The following SCFD2 variants were observed in gnomAD, a reference collection of about 807,000 sequenced individuals.
SCFD2 encodes the protein sec1 family domain containing 2.
SCFD2 carries 54 observed loss-of-function variants against 58.9 expected under a neutral mutation model. The ratio of observed to expected loss-of-function variants is 0.92; its 90% CI spans 0.74 to 1.15. The LOEUF (loss-of-function observed/expected upper bound fraction) is 1.15. Ranked by LOEUF, SCFD2 falls within the 50% of genes most tolerant of loss-of-function variation. The probability of loss-of-function intolerance (pLI) is 0.00; values close to 1 mark genes in which losing one functional copy is unlikely to be tolerated. For synonymous variants in SCFD2, 321 were observed against 335.9 expected (o/e 0.96, Z 0.49); for missense variants, 805 against 836.6 (o/e 0.96, Z 0.47).
intron 6 of SCFD2, among the ~76,000 whole-genome samples, chr4:52,919,378 A>T (rs1420229367): frequency 6.6e-6 from 1 of 152,206 alleles, no homozygotes; most frequent in Non-Finnish European, 1.5e-5. Flanking sequence ...CTGATTTTTT[A>T]AAATGACAAA....
At chr4:53,261,584 A>G (rs1730830328) in intron 4 of SCFD2, among the ~76,000 whole-genome samples, 1 of 152,072 alleles carries the variant, frequency 6.6e-6, no homozygotes, top group Non-Finnish European at 1.5e-5. Context: ...GGTCTGAGAG[A>G]GTATCTACTA....
intron 4 of SCFD2, among the ~76,000 whole-genome samples, chr4:53,268,703 G>A (rs1731068576): frequency 6.6e-6 from 1 of 152,138 alleles, no homozygotes; most frequent in Non-Finnish European, 1.5e-5. Flanking sequence ...GGGCAGCACA[G>A]GGTGAGATGT....
intron 4 of SCFD2, among the ~76,000 whole-genome samples, chr4:53,236,812 A>ATTTT (rs201223744): frequency 0.18 from 5,259 of 28,996 alleles, 121 homozygotes; most frequent in Non-Finnish European, 0.21. Flanking sequence ...TCACTGTTTT[A>ATTTT]TTTATTTATT....
At chr4:53,072,444 C>T (rs1001077957) in intron 5 of SCFD2, among the ~76,000 whole-genome samples, 5 of 152,156 alleles carry the variant, frequency 3.3e-5, no homozygotes, top group Non-Finnish European at 5.9e-5. Flanking sequence ...CCAACAGAAA[C>T]GGGCTACCTG....
intron 5 of SCFD2, among the ~76,000 whole-genome samples, chr4:52,996,077 C>G (rs1055337150): frequency 6.6e-6 from 1 of 152,208 alleles, no homozygotes; most frequent in African/African-American, 2.4e-5. Flanking sequence ...CTTCCTCAAT[C>G]TCTAGTTCAA....
chr4:53,344,182 T>C (rs962312986), intron 2 of SCFD2, among the ~76,000 whole-genome samples: 14 of 151,804 alleles, frequency 9.2e-5, no homozygotes, highest in African/African-American at 3.4e-4. Context: ...GATGACATGA[T>C]TGTATATTTA....
intron 3 of SCFD2, among the ~76,000 whole-genome samples, chr4:53,283,462 T>C (rs1019212929): frequency 6.6e-6 from 1 of 152,244 alleles, no homozygotes; most frequent in Non-Finnish European, 1.5e-5. Flanking sequence ...TTGCTTCTAT[T>C]GGATATATAC....
chr4:53,323,418 G>A (rs1733083071), intron 2 of SCFD2, among the ~76,000 whole-genome samples: 1 of 151,898 alleles, frequency 6.6e-6, no homozygotes, highest in Non-Finnish European at 1.5e-5. Context: ...GTGTAGCCCA[G>A]GTTGGAGTAT....
intron 5 of SCFD2, among the ~76,000 whole-genome samples, chr4:53,013,409 T>G (rs1468827939): frequency 6.6e-6 from 1 of 152,246 alleles, no homozygotes; most frequent in Admixed American, 6.5e-5. Flanking sequence ...CTTGTACCCT[T>G]GCAGACAATT....
At chr4:53,000,737 C>G (rs890093616) in intron 5 of SCFD2, among the ~76,000 whole-genome samples, 1 of 152,180 alleles carries the variant, frequency 6.6e-6, no homozygotes, top group Admixed American at 6.5e-5. Flanking sequence ...AAGCAAGAGT[C>G]CCTCATGGGA....
rs1726743309 is a variant in SCFD2, at chr4:53,158,080, T to C, written c.1312-12498A>G. Among the ~76,000 whole-genome samples the C allele has an allele frequency of 2.6e-5, 4 of 152,174 alleles. No homozygotes were observed. In the East Asian group the frequency reaches 7.7e-4, roughly 29 times the overall value. ...CGAGTCCCCTGGTAAGGTACATGAATGGCCTCAGAACCTTAGCCCAGGTTA... is the reference window on the plus strand; with the variant it reads ...CGAGTCCCCTGGTAAGGTACATGAACGGCCTCAGAACCTTAGCCCAGGTTA... On this transcript the variant is annotated intron_variant, in intron 4 of 8. Transcript: ENST00000401642.
chr4:53,277,907 G>A (rs988571573), intron 3 of SCFD2, among the ~76,000 whole-genome samples: 28 of 152,172 alleles, frequency 1.8e-4, no homozygotes, highest in African/African-American at 6.7e-4. Flanking sequence ...AAAAAAATTA[G>A]TTGGGCTTGG....
intron 7 of SCFD2, among the ~76,000 whole-genome samples, chr4:52,906,878 T>A (rs1357514570): frequency 3.3e-5 from 5 of 152,212 alleles, no homozygotes; most frequent in African/African-American, 9.7e-5. Flanking sequence ...TACAGTAGGT[T>A]AAAAATAGAT....
At chr4:53,006,765 AAAACTCATTTTCATGC>A (rs1560507811) in intron 5 of SCFD2, among the ~76,000 whole-genome samples, 1 of 152,188 alleles carries the variant, frequency 6.6e-6, no homozygotes, top group African/African-American at 2.4e-5. Context: ...GACCACATGT[AAAACTCATTTTCATGC>A]AGAGATCCCA....
rs1176982595 is a variant in SCFD2, at chr4:53,365,712, A to G, written c.230T>C (p.Leu77Pro). ...GAKQPKAVFV[L>P]SCLLKGRTVE... Reference sequence around the variant, plus strand: ...GGTCCGGCCTTTCAGCAGGCAGCTCAGCACAAACACTGCCTTGGGCTGCTT... The same window carrying G: ...GGTCCGGCCTTTCAGCAGGCAGCTCGGCACAAACACTGCCTTGGGCTGCTT... Residue 77 changes from leucine (L) to proline (P), a missense_variant, in exon 1 of 9, where the codon CTG becomes CCG. Leu to Pro is a moderately conservative substitution (Grantham distance 98). Transcript: ENST00000401642. This position sits in a 1 kb window ranked among gnomAD's most constrained non-coding sequence, Gnocchi z 4.3. The G allele has an allele frequency of 1.2e-6, 2 of 1,614,174 alleles. No homozygotes were observed. The highest frequency in any genetic ancestry group is 1.7e-6 in the Non-Finnish European group (2 of 1,180,026).
At chr4:53,288,892 TCTA>T (rs1485347320) in intron 3 of SCFD2, among the ~76,000 whole-genome samples, 1 of 152,220 alleles carries the variant, frequency 6.6e-6, no homozygotes, top group Non-Finnish European at 1.5e-5. Context: ...ATTTCAAACT[TCTA>T]CTATGAAAGT....
chr4:52,971,748 G>A (rs1319164821), intron 5 of SCFD2, among the ~76,000 whole-genome samples: 1 of 152,182 alleles, frequency 6.6e-6, no homozygotes, highest in Non-Finnish European at 1.5e-5. Context: ...AGGAAAAAAT[G>A]TTCAGGGCAG....
intron 4 of SCFD2, among the ~76,000 whole-genome samples, chr4:53,228,680 A>C (rs961140783): frequency 2.6e-5 from 4 of 152,098 alleles, no homozygotes; most frequent in Non-Finnish European, 5.9e-5. Flanking sequence ...AATGGGCAAA[A>C]ACTGGAAGCA....
chr4:53,226,009 C>T (rs1270735820), intron 4 of SCFD2, among the ~76,000 whole-genome samples: 2 of 151,856 alleles, frequency 1.3e-5, no homozygotes, highest in Admixed American at 6.6e-5. Flanking sequence ...GCTGTATTGC[C>T]CAGATTGGTC....
Sources: allele counts gnomAD v4.1 joint callset (sites outside exome capture counted in the v4.1 genomes callset), GRCh38; gene constraint gnomAD v4.1.1; non-coding constraint Gnocchi (gnomAD v3.1); transcripts MANE v1.5; gene names NCBI Gene and HGNC (gene_info 2026-07-23, HGNC 2026-07-21).